Variants in HMGXB3 observed in about 807,000 individuals in gnomAD.
HMGXB3 encodes HMG domain-containing protein 3.
HMGXB3 carries 45 observed loss-of-function variants against 121.5 expected under a neutral mutation model. The observed-to-expected ratio is 0.37, with a 90% CI of 0.29 to 0.47. The LOEUF (loss-of-function observed/expected upper bound fraction) is 0.47, where lower values mean the gene tolerates loss of function less well. Among genes scored for constraint, HMGXB3 ranks in the 20% least tolerant of loss-of-function variants. The pLI is 0.99. For missense variants in HMGXB3, 1,376 were observed against 1,602.2 expected, an observed-to-expected ratio of 0.86 and a Z score of 2.41; for synonymous variants, 590 against 624.1, an observed-to-expected ratio of 0.95 and a Z score of 0.81.
At position 150,029,330 on chromosome 5, in the gene HMGXB3, G is replaced by GTT. The variant is rs79467916; in HGVS notation, c.1735-1396_1735-1395dup. Among the ~76,000 whole-genome samples, 512 of 139,428 alleles carry GTT rather than the reference G, an allele frequency of 3.7e-3. 2 individuals are homozygous for GTT. The highest frequency in any genetic ancestry group is 7.6e-3 in the Middle Eastern group (2 of 262). 91.5% of individuals were successfully genotyped at this position (139,428 alleles called of 152,430 possible). ...TATATGTAGCTAGAATAGTTATCAA[G>GTT]TTTTTTTTTTTTTTTTCATGTCAAA... On this transcript the variant is annotated intron_variant, in intron 9 of 19. Transcript: ENST00000502717.
At position 150,027,016 on chromosome 5, in the gene HMGXB3, T is replaced by C. The variant is rs1218714168; in HGVS notation, c.1637-4T>C. 6.4e-7 allele frequency: 1 copy of C among 1,551,476 alleles called. No homozygotes were observed. The highest frequency in any genetic ancestry group is 8.7e-7 in the Non-Finnish European group (1 of 1,146,882). ...GTCACCAGTTTGGCTCCTGGTTCTC[T>C]CAGATAAGACTCCCTCTGTGAGGAC... On this transcript the variant is annotated splice_region_variant and splice_polypyrimidine_tract_variant and intron_variant, in intron 8 of 19. Coordinates refer to ENST00000502717, the MANE Select transcript of HMGXB3 (RefSeq NM_014983.3).
chr5:150,023,228 A>G (rs1229671027), intron 6 of HMGXB3, among the ~76,000 whole-genome samples: 4 of 152,154 alleles, frequency 2.6e-5, no homozygotes, highest in Non-Finnish European at 5.9e-5. Flanking sequence ...ATTGAAATTT[A>G]GTGACATTGG....
Position 150,051,994 on chromosome 5 carries a change from C to T in HMGXB3, c.3681C>T (p.His1227=). ...QRPIAFDNAT[H]YYLYNRLMDF... ...CCATTGCCTTCGACAATGCCACTCA[C>T]TATTACCTCTACAACCGCCTCATGG... Residue 1227 remains histidine, a synonymous_variant, in exon 20 of 20, where the codon CAC becomes CAT. Transcript: ENST00000502717. 2 of 1,552,166 alleles carry T rather than the reference C, an allele frequency of 1.3e-6. No individual in the cohort carries two copies. Among genetic ancestry groups the T allele is most frequent in the Non-Finnish European group, 8.7e-7 (1 of 1,147,106 alleles).
intron 9 of HMGXB3, among the ~76,000 whole-genome samples, chr5:150,028,493 ATATATG>A (rs1313319106): frequency 1.2e-5 from 1 of 85,284 alleles, no homozygotes; most frequent in East Asian, 2.7e-4. Context: ...ATATATGTAT[ATATATG>A]TATGTATGTG....
intron 6 of HMGXB3, among the ~76,000 whole-genome samples, chr5:150,022,254 A>C (rs1756114714): frequency 6.6e-6 from 1 of 152,264 alleles, no homozygotes; most frequent in African/African-American, 2.4e-5. Flanking sequence ...TTTGTCTCTA[A>C]AAGCTCCAAG....
At position 150,016,328 on chromosome 5, in the gene HMGXB3, G is replaced by A. The variant is rs948220412; in HGVS notation, c.910-2238G>A. ...TGCACTGTAGCCTGAGCAACAGAGTGAGACTCTGTCTCAAAAAAAAAAAAA... is the reference window on the plus strand; with the variant it reads ...TGCACTGTAGCCTGAGCAACAGAGTAAGACTCTGTCTCAAAAAAAAAAAAA... On this transcript the variant is annotated intron_variant, in intron 5 of 19. Transcript: ENST00000502717. Among the ~76,000 whole-genome samples the A allele has an allele frequency of 3.8e-5, 5 of 130,846 alleles. No individual in the cohort carries two copies. In the Admixed American group the frequency reaches 4.0e-4, roughly 10 times the overall value. 85.8% of individuals were successfully genotyped at this position (130,846 alleles called of 152,430 possible).
intron 6 of HMGXB3, among the ~76,000 whole-genome samples, chr5:150,022,807 G>A (rs995296210): frequency 7.1e-6 from 1 of 141,476 alleles, no homozygotes; most frequent in African/African-American, 2.6e-5. Flanking sequence ...GAGGTCACCT[G>A]TTACTGGCTC....
chr5:150,034,331 T>G (rs1008994550), intron 11 of HMGXB3, among the ~76,000 whole-genome samples: 1 of 152,164 alleles, frequency 6.6e-6, no homozygotes, highest in Admixed American at 6.5e-5. Context: ...TTCCTGCACC[T>G]TCTAACCCTG....
Position 150,012,230 on chromosome 5 carries a change from C to T in HMGXB3, c.811-25C>T, listed in dbSNP as rs1451102915. The stretch of plus-strand genomic sequence containing the variant: ...TCTTTATTACTCTGTTTCAGTGAAA[C>T]TGTCCTTCTCTTCATTGCCCATAGG... On this transcript the variant is annotated intron_variant, in intron 4 of 19. Coordinates refer to ENST00000502717, the MANE Select transcript of HMGXB3 (RefSeq NM_014983.3). 6.0e-6 allele frequency: 9 copies of T among 1,505,448 alleles called. No homozygotes were observed. The South Asian group carries it at 6.0e-5, about 10-fold the overall frequency. The allele number at this position is 1,505,448 out of a possible 1,614,324, so 93.3% of individuals were successfully genotyped here.
At chr5:150,019,125 T>G (rs1756026377) in intron 6 of HMGXB3, among the ~76,000 whole-genome samples, 1 of 152,140 alleles carries the variant, frequency 6.6e-6, no homozygotes, top group South Asian at 2.1e-4. Flanking sequence ...TTTCTTTCTG[T>G]TTTTTCGTGG....
At chr5:150,048,264 C>G (rs1270631839) in intron 17 of HMGXB3, among the ~76,000 whole-genome samples, 1 of 152,230 alleles carries the variant, frequency 6.6e-6, no homozygotes, top group Non-Finnish European at 1.5e-5. Context: ...CCTTCAAGAT[C>G]AGATTCAAAT....
intron 7 of HMGXB3, among the ~76,000 whole-genome samples, 179 bp downstream of exon 7, chr5:150,024,859 A>G (rs538244373): frequency 6.6e-6 from 1 of 152,348 alleles, no homozygotes; most frequent in African/African-American, 2.4e-5. Context: ...GGACTCTGCT[A>G]TTCATGTACT....
chr5:150,008,657 C>T (rs1055162598), intron 3 of HMGXB3, among the ~76,000 whole-genome samples: 3 of 152,220 alleles, frequency 2.0e-5, no homozygotes, highest in Admixed American at 2.0e-4. Context: ...CCCTTCAGGT[C>T]TCTTGCCAAG....
chr5:150,012,299 C>T lies in HMGXB3; in HGVS notation c.855C>T (p.Ile285=). 6.4e-7 allele frequency: 1 copy of T among 1,552,350 alleles called. No individual in the cohort carries two copies. Among genetic ancestry groups the T allele is most frequent in the Admixed American group, 2.0e-5 (1 of 51,014 alleles). The part of the protein sequence containing the change: ...SSSSAPATQF[I]MLPLPAYSVV... The stretch of plus-strand genomic sequence containing the variant: ...CCTCTGCACCAGCCACACAGTTCAT[C>T]ATGTTGCCTCTGCCTGCCTACTCGG... The change falls in exon 5 of 20, where the codon ATC becomes ATT. Residue 285 remains isoleucine (I), a synonymous_variant. Coordinates refer to ENST00000502717, the MANE Select transcript of HMGXB3 (RefSeq NM_014983.3).
chr5:150,012,349 A>C lies in HMGXB3; in HGVS notation c.905A>C (p.Lys302Thr). 6.5e-7 allele frequency: 1 copy of C among 1,549,602 alleles called. No homozygotes were observed. Among genetic ancestry groups the C allele is most frequent in the Non-Finnish European group, 8.7e-7 (1 of 1,144,626 alleles). The change falls in exon 5 of 20, where the codon AAA becomes ACA. Residue 302 changes from lysine (K) to threonine (T), a missense_variant. Coordinates refer to ENST00000502717, the MANE Select transcript of HMGXB3 (RefSeq NM_014983.3). ...GTTGTGGAGAACCCCACCTCCATCA[A>C]ACTGGTCAGTACTGTATGTGGGGGA... ...YSVVENPTSI[K>T]LTTTYTRRGH...
chr5:150,045,456 G>A lies in HMGXB3; in HGVS notation c.2731-10G>A. On this transcript the variant is annotated splice_polypyrimidine_tract_variant and intron_variant, in intron 15 of 19. Coordinates refer to ENST00000502717, the MANE Select transcript of HMGXB3 (RefSeq NM_014983.3). ...CCCACAGTTTGACCTTCTTTATCCT[G>A]ACCTTCTAGTTCACCTGGCCTGAAT... is the stretch of plus-strand genomic sequence containing the variant. The A allele has an allele frequency of 6.5e-7, 1 of 1,550,284 alleles. No individual in the cohort carries two copies. Among genetic ancestry groups the A allele is most frequent in the Non-Finnish European group, 8.7e-7 (1 of 1,145,456 alleles).
In HMGXB3 at chr5:150,018,676, A is replaced by C. The variant is rs181350032; in HGVS notation, c.1020A>C (p.Leu340=). ...PPKCPTCGNF[L]GGKWIPKEKP... is the part of the protein sequence containing the mutation. The stretch of plus-strand genomic sequence containing the variant: ...AGTGCCCTACCTGTGGTAACTTCCT[A>C]GGAGGGAAGTGGATCCCAAAGGTAA... Residue 340 remains leucine (L), a synonymous_variant, in exon 6 of 20, where the codon CTA becomes CTC. Transcript: ENST00000502717. 2 of 1,550,390 alleles carry C rather than the reference A, an allele frequency of 1.3e-6. No individual in the cohort carries two copies. Among genetic ancestry groups the C allele is most frequent in the Non-Finnish European group, 1.7e-6 (2 of 1,146,360 alleles).
intron 10 of HMGXB3, 50 bp downstream of exon 10, chr5:150,030,889 T>G: frequency 7.0e-7 from 1 of 1,422,270 alleles, no homozygotes; most frequent in Non-Finnish European, 9.7e-7. Flanking sequence ...TTGTTTTGAT[T>G]TTGTGGTTGA....
intron 3 of HMGXB3, among the ~76,000 whole-genome samples, chr5:150,008,746 TG>T (rs1359646383): frequency 6.6e-6 from 1 of 152,244 alleles, no homozygotes; most frequent in Non-Finnish European, 1.5e-5. Flanking sequence ...TGCTTGGATT[TG>T]TTAAGTCCAG....
Sources: allele counts gnomAD v4.1 joint callset (sites outside exome capture counted in the v4.1 genomes callset), GRCh38; gene constraint gnomAD v4.1.1; transcripts MANE v1.5; gene names NCBI Gene and HGNC (gene_info 2026-07-23, HGNC 2026-07-21).